Variants in WWOX observed in about 807,000 individuals in gnomAD.
WWOX encodes the protein WW domain-containing oxidoreductase.
Under a neutral mutation model 46.2 loss-of-function variants are expected in WWOX, and 69 were observed. The observed-to-expected ratio is 1.49, with a 90% CI of 1.23 to 1.82. The LOEUF (loss-of-function observed/expected upper bound fraction) is 1.82, where lower values mean the gene tolerates loss of function less well. WWOX is among the 40% of genes most tolerant of loss of function. The pLI, the probability that WWOX is intolerant of heterozygous loss-of-function variation, is 0.00. For synonymous variants in WWOX, 359 were observed against 202.6 expected (o/e 1.77, Z -6.56); for missense variants, 919 against 542.6 (o/e 1.69, Z -6.89).
chr16:78,122,333 A>C (rs1453805104), intron 4 of WWOX, among the ~76,000 whole-genome samples: 1 of 152,156 alleles, frequency 6.6e-6, no homozygotes, highest in Non-Finnish European at 1.5e-5. Flanking sequence ...TCATGCCTGC[A>C]TGTAGGTTTA....
chr16:79,154,866 C>G (rs554752297), intron 8 of WWOX, among the ~76,000 whole-genome samples: 1 of 152,286 alleles, frequency 6.6e-6, no homozygotes, highest in South Asian at 2.1e-4. Context: ...AAGGTTTAGG[C>G]TCTCAGTGCC....
At chr16:79,088,778 T>A (rs2048899636) in intron 8 of WWOX, among the ~76,000 whole-genome samples, 2 of 152,170 alleles carry the variant, frequency 1.3e-5, no homozygotes, top group Admixed American at 1.3e-4. Context: ...CTGCTTTAGA[T>A]ATACTGCAGA....
At chr16:78,248,587 G>A (rs1357078674) in intron 5 of WWOX, among the ~76,000 whole-genome samples, 2 of 151,972 alleles carry the variant, frequency 1.3e-5, no homozygotes, top group African/African-American at 4.8e-5. Flanking sequence ...ATACAAAAAT[G>A]TAGCCAGGCG....
intron 5 of WWOX, among the ~76,000 whole-genome samples, chr16:78,332,176 C>A (rs1214181882): frequency 1.3e-5 from 2 of 152,120 alleles, no homozygotes; most frequent in African/African-American, 4.8e-5. Context: ...CTTTCCCCAC[C>A]CCAAGCCTTT....
At chr16:78,209,467 A>G (rs1404485859) in intron 5 of WWOX, among the ~76,000 whole-genome samples, 2 of 152,354 alleles carry the variant, frequency 1.3e-5, no homozygotes, top group Middle Eastern at 3.4e-3. Flanking sequence ...ATATGTTTCA[A>G]TATAAGAAAT....
intron 5 of WWOX, among the ~76,000 whole-genome samples, chr16:78,375,686 G>C (rs957400825): frequency 2.1e-4 from 32 of 151,978 alleles, no homozygotes; most frequent in African/African-American, 6.5e-4. Flanking sequence ...GGTATCTCTT[G>C]ACCTAGTGAG....
At chr16:78,631,039 A>C (rs1280800165) in intron 8 of WWOX, among the ~76,000 whole-genome samples, 2 of 152,160 alleles carry the variant, frequency 1.3e-5, no homozygotes, top group Non-Finnish European at 2.9e-5. Context: ...TCGTGTTTAT[A>C]TTGTATTAGG....
chr16:78,402,227 T>C (rs1023034754), intron 6 of WWOX, among the ~76,000 whole-genome samples: 1 of 152,208 alleles, frequency 6.6e-6, no homozygotes, highest in Non-Finnish European at 1.5e-5. Context: ...TGAGTGGAGT[T>C]AGATAATACA....
At chr16:78,745,598 C>G (rs1293698155) in intron 8 of WWOX, among the ~76,000 whole-genome samples, 1 of 134,548 alleles carries the variant, frequency 7.4e-6, no homozygotes, top group Non-Finnish European at 1.5e-5. Flanking sequence ...CCCTTCTTGG[C>G]TGGAGGATTT....
At chr16:79,059,355 C>T (rs1457150575) in intron 8 of WWOX, among the ~76,000 whole-genome samples, 1 of 152,198 alleles carries the variant, frequency 6.6e-6, no homozygotes, top group East Asian at 1.9e-4. Flanking sequence ...ACTACCTGTT[C>T]TCAAACACTT....
chr16:79,167,282 A>G (rs17656178), intron 8 of WWOX, among the ~76,000 whole-genome samples: 67,638 of 152,084 alleles, frequency 0.44, 15,880 homozygotes, highest in East Asian at 0.75. Context: ...AAATTAGCAA[A>G]GAAGCAAATA....
chr16:78,858,957 G>C (rs1053504995), intron 8 of WWOX, among the ~76,000 whole-genome samples: 107 of 138,900 alleles, frequency 7.7e-4, no homozygotes, highest in African/African-American at 2.8e-3. Flanking sequence ...GGGATTACAG[G>C]TGTGAGCCAC....
chr16:78,645,036 T>G (rs567788066), intron 8 of WWOX, among the ~76,000 whole-genome samples: 1 of 152,334 alleles, frequency 6.6e-6, no homozygotes, highest in East Asian at 1.9e-4. Context: ...TTTCTTTTCT[T>G]CAAAAGTTGG....
intron 8 of WWOX, among the ~76,000 whole-genome samples, chr16:78,889,812 G>C (rs1248358897): frequency 6.6e-6 from 1 of 152,152 alleles, no homozygotes; most frequent in African/African-American, 2.4e-5. Context: ...TAAAGATACT[G>C]TTGTCCTCAT....
intron 8 of WWOX, among the ~76,000 whole-genome samples, chr16:79,113,634 G>A (rs1179186471): frequency 6.6e-6 from 1 of 152,242 alleles, no homozygotes; most frequent in Non-Finnish European, 1.5e-5. Flanking sequence ...GCTGGAGAAG[G>A]AAGGGCTGAC....
At chr16:79,196,622 C>G (rs1221326994) in intron 8 of WWOX, 1 of 152,204 alleles carries the variant, frequency 6.6e-6, no homozygotes, top group Non-Finnish European at 1.5e-5. Flanking sequence ...CTCCACATAC[C>G]CAGTCTCCAT....
At chr16:78,579,228 T>C (rs2044984372) in intron 8 of WWOX, among the ~76,000 whole-genome samples, 2 of 152,104 alleles carry the variant, frequency 1.3e-5, no homozygotes, top group South Asian at 4.1e-4. Context: ...AAAAGGCAGG[T>C]TTTGCTTTGT....
chr16:78,155,273 A>G (rs2034559939), intron 4 of WWOX, among the ~76,000 whole-genome samples: 2 of 151,666 alleles, frequency 1.3e-5, no homozygotes, highest in Non-Finnish European at 2.9e-5. Flanking sequence ...GAAGGAAGGG[A>G]AAGGGAAGGA....
chr16:79,170,492 C>G (rs1175263368), intron 8 of WWOX, among the ~76,000 whole-genome samples: 2 of 152,142 alleles, frequency 1.3e-5, no homozygotes, highest in African/African-American at 2.4e-5. Context: ...GTACCACTCT[C>G]ATAAATCAAT....
Sources: allele counts gnomAD v4.1 joint callset (sites outside exome capture counted in the v4.1 genomes callset), GRCh38; gene constraint gnomAD v4.1.1; transcripts MANE v1.5; gene names NCBI Gene and HGNC (gene_info 2026-07-23, HGNC 2026-07-21).